The following LIG1 variants were observed in gnomAD, a reference collection of about 807,000 sequenced individuals.
LIG1 encodes the protein DNA ligase 1.
In LIG1, 70 loss-of-function variants were observed where a neutral mutation model predicts 115.7. The ratio of observed to expected loss-of-function variants is 0.60; its 90% CI spans 0.50 to 0.74. LIG1 has a LOEUF of 0.74. Ranked by LOEUF, LIG1 falls within the 30% of genes least tolerant of loss-of-function variation. The pLI, the probability that LIG1 is intolerant of heterozygous loss-of-function variation, is 0.00. For missense variants in LIG1, 1,115 were observed against 1,225.6 expected (o/e 0.91, Z 1.35); for synonymous variants, 487 against 495.3 (o/e 0.98, Z 0.22).
At chr19:48,154,737 G>A (rs138486376) in intron 5 of LIG1, among the ~76,000 whole-genome samples, 30 of 152,244 alleles carry the variant, frequency 2.0e-4, no homozygotes, top group Non-Finnish European at 3.8e-4. Context: ...TGGCCATTGC[G>A]CCACCTGGTC....
intron 26 of LIG1, 139 bp downstream of exon 26, chr19:48,117,499 A>T: frequency 1.0e-6 from 1 of 956,716 alleles, no homozygotes; most frequent in Non-Finnish European, 1.6e-6. Context: ...TTTATCTGAC[A>T]CTCAAATAAA....
In LIG1 at chr19:48,115,625, C is replaced by T. The variant is rs777537945; in HGVS notation, c.*24G>A. 1.9e-6 allele frequency: 3 copies of T among 1,562,148 alleles called. No individual in the cohort carries two copies. The Admixed American group carries it at 5.0e-5, about 26-fold the overall frequency. On this transcript the variant is annotated 3_prime_UTR_variant, in exon 28 of 28. Transcript: ENST00000263274. Reference sequence around the variant, plus strand: ...GGGTCCGTCCAACTCATGCCCTGTACCCAGGCCCTAGGAGGGCGAGGGCTT... The same window carrying T: ...GGGTCCGTCCAACTCATGCCCTGTATCCAGGCCCTAGGAGGGCGAGGGCTT...
At chr19:48,117,824 T>C in intron 25 of LIG1, 43 bp from the exon 26 acceptor site, 1 of 1,606,192 alleles carries the variant, frequency 6.2e-7, no homozygotes, top group Non-Finnish European at 8.5e-7. Context: ...GTCTGGAATC[T>C]CAAAGTCAAG....
At chr19:48,160,952 G>T (rs1050055400) in intron 4 of LIG1, among the ~76,000 whole-genome samples, 1 of 152,062 alleles carries the variant, frequency 6.6e-6, no homozygotes, top group African/African-American at 2.4e-5. Flanking sequence ...GCCCAGCCTG[G>T]TCTCGAACTC....
chr19:48,116,240 G>C (rs906844998), intron 26 of LIG1: 38 of 412,270 alleles, frequency 9.2e-5, no homozygotes, highest in Admixed American at 8.1e-4. Flanking sequence ...TCAGGAGATG[G>C]AGACTATCCT....
intron 16 of LIG1, among the ~76,000 whole-genome samples, chr19:48,134,792 C>T (rs559896638): frequency 7.7e-4 from 117 of 152,368 alleles, no homozygotes; most frequent in African/African-American, 2.5e-3. Context: ...GCTTGCTGCC[C>T]GGGCCTGTTC....
Position 48,170,324 on chromosome 19 carries a change from G to C in LIG1, c.-141C>G. 2 of 445,372 alleles carry C rather than the reference G, an allele frequency of 4.5e-6. No individual in the cohort carries two copies. The highest frequency in any genetic ancestry group is 1.6e-5 in the South Asian group (1 of 63,750). 27.6% of individuals were successfully genotyped at this position (445,372 alleles called of 1,614,324 possible). ...CTCTGCAGTCCCAAGTTCGCGCCAC[G>C]GCATTCGCGCGCAGACGTCTGCGGG... On this transcript the variant is annotated 5_prime_UTR_variant, in exon 1 of 28. Coordinates refer to ENST00000263274, the MANE Select transcript of LIG1 (RefSeq NM_000234.3).
intron 2 of LIG1, among the ~76,000 whole-genome samples, chr19:48,163,490 C>T (rs1482309283): frequency 6.6e-6 from 1 of 150,688 alleles, no homozygotes. Context: ...GCTGGGATTA[C>T]AGGTGTGAGC....
intron 5 of LIG1, among the ~76,000 whole-genome samples, chr19:48,155,812 TA>T (rs1278489694): frequency 6.6e-6 from 1 of 152,192 alleles, no homozygotes; most frequent in Non-Finnish European, 1.5e-5. Context: ...GTAGGTTTCA[TA>T]AAATGTACAG....
chr19:48,163,008 A>G (rs2036272333), intron 2 of LIG1, among the ~76,000 whole-genome samples: 1 of 151,296 alleles, frequency 6.6e-6, no homozygotes, highest in Non-Finnish European at 1.5e-5. Flanking sequence ...TCTGCCTCCC[A>G]GGTTCAAGCG....
At position 48,151,329 on chromosome 19, in the gene LIG1, G is replaced by A. The variant is rs905461082; in HGVS notation, c.477C>T (p.Thr159=). 7 of 1,609,640 alleles carry A rather than the reference G, an allele frequency of 4.3e-6. No homozygotes were observed. The African/African-American group carries it at 9.4e-5, about 22-fold the overall frequency. ...CAGCCTCTGTGAGGCTTTCTTTCGG[G>A]GTCTCCTCTTCTGACGATAGACAGA... The part of the protein sequence containing the change: ...KRKKEEEEEE[T]PKESLTEAEV... Residue 159 remains threonine, a synonymous_variant, in exon 7 of 28, where the codon ACC becomes ACT. Coordinates refer to ENST00000263274, the MANE Select transcript of LIG1 (RefSeq NM_000234.3).
Position 48,143,581 on chromosome 19 carries a change from C to T in LIG1, c.876G>A (p.Val292=). Reference sequence around the variant, plus strand: ...CCTCGATCTTCTCAAACGTCCGGGCCACAGCCAGGTAAGGAACCCTAGGGA... The same window carrying T: ...CCTCGATCTTCTCAAACGTCCGGGCTACAGCCAGGTAAGGAACCCTAGGGA... ...KPGQKVPYLA[V]ARTFEKIEEV... The change falls in exon 11 of 28, where the codon GTG becomes GTA. Residue 292 remains valine (V), a synonymous_variant. Coordinates refer to ENST00000263274, the MANE Select transcript of LIG1 (RefSeq NM_000234.3). The T allele has an allele frequency of 1.2e-6, 2 of 1,609,964 alleles. No individual in the cohort carries two copies. The highest frequency in any genetic ancestry group is 2.2e-5 in the South Asian group (2 of 91,006).
intron 21 of LIG1, chr19:48,127,051 C>T (rs769281537): frequency 1.8e-6 from 1 of 564,612 alleles, no homozygotes; most frequent in Non-Finnish European, 3.2e-6. Flanking sequence ...AGATCCACCT[C>T]ACGCCAATGT....
At position 48,115,666 on chromosome 19, in the gene LIG1, G is replaced by A; in HGVS notation, c.2743C>T (p.Pro915Ser). The A allele has an allele frequency of 1.9e-6, 3 of 1,613,742 alleles. No individual in the cohort carries two copies. The highest frequency in any genetic ancestry group is 1.6e-4 in the Middle Eastern group (1 of 6,062). The change falls in exon 28 of 28, where the codon CCT (proline) becomes TCT (serine). Residue 915 changes from proline to serine, a missense_variant. Coordinates refer to ENST00000263274, the MANE Select transcript of LIG1 (RefSeq NM_000234.3). ...GCGAGGGCTTAGTAGGTATCTTCAG[G>A]GTCAGAGCCTGAGTCCTCGCCTTGT... ...NQQGEDSGSD[P>S]EDTY
At position 48,127,312 on chromosome 19, in the gene LIG1, AAC is replaced by A. The variant is rs752723280; in HGVS notation, c.1967_1968del (p.Cys656PhefsTer17). On this transcript the variant is annotated frameshift_variant, in exon 21 of 28. Coordinates refer to ENST00000263274, the MANE Select transcript of LIG1 (RefSeq NM_000234.3). LOFTEE classifies it high-confidence loss of function. ...VDASEIQVQV[C>X]LYAFDLIYLN... ...AGGTAGATGAGGTCGAAGGCGTACA[AAC>A]ACACCTGCACCTGGATCTCAGACGC... 3 of 1,613,788 alleles carry A rather than the reference AAC, an allele frequency of 1.9e-6. No homozygotes were observed. In the African/African-American group the frequency reaches 4.0e-5, roughly 22 times the overall value.
At chr19:48,144,695 G>A (rs188966076) in intron 9 of LIG1, among the ~76,000 whole-genome samples, 17 of 152,232 alleles carry the variant, frequency 1.1e-4, no homozygotes, top group African/African-American at 4.1e-4. Context: ...GAAGAGACGA[G>A]GTTTCACCAT....
intron 24 of LIG1, 54 bp downstream of exon 24, chr19:48,121,116 G>A (rs753440573): frequency 9.3e-6 from 15 of 1,613,516 alleles, no homozygotes; most frequent in Non-Finnish European, 1.3e-5. Flanking sequence ...AATACCCCCG[G>A]GAGTCTAATC....
At position 48,139,962 on chromosome 19, in the gene LIG1, C is replaced by A. The variant is rs1224903292; in HGVS notation, c.1087+9G>T. 2 of 1,614,020 alleles carry A rather than the reference C, an allele frequency of 1.2e-6. No homozygotes were observed. Among genetic ancestry groups the A allele is most frequent in the South Asian group, 1.1e-5 (1 of 91,086 alleles). On this transcript the variant is annotated intron_variant, in intron 12 of 27. Coordinates refer to ENST00000263274, the MANE Select transcript of LIG1 (RefSeq NM_000234.3). Reference sequence around the variant, plus strand: ...TCCTTCTGGTCCCTCCAACCACAGTCCCCCTTACCTGTGGCCTGGGCCACT... The same window carrying A: ...TCCTTCTGGTCCCTCCAACCACAGTACCCCTTACCTGTGGCCTGGGCCACT...
chr19:48,166,087 C>T (rs935038204), intron 1 of LIG1, among the ~76,000 whole-genome samples: 5 of 152,148 alleles, frequency 3.3e-5, no homozygotes, highest in African/African-American at 1.2e-4. Flanking sequence ...GTGTGTGCTA[C>T]TGAACTGTGT....
Sources: allele counts gnomAD v4.1 joint callset (sites outside exome capture counted in the v4.1 genomes callset), GRCh38; gene constraint gnomAD v4.1.1; transcripts MANE v1.5; gene names NCBI Gene and HGNC (gene_info 2026-07-23, HGNC 2026-07-21).